Variants in IL1RAP observed in about 807,000 individuals in gnomAD.
The protein encoded by IL1RAP is interleukin 1 receptor accessory protein.
A neutral mutation model predicts 60.7 loss-of-function variants in IL1RAP; 35 were observed. That is an observed-to-expected ratio of 0.58 (90% confidence interval 0.44 to 0.76). The LOEUF is 0.76. Among genes scored for constraint, IL1RAP ranks in the 30% least tolerant of loss-of-function variants. IL1RAP has a pLI of 0.00. For synonymous variants in IL1RAP, 268 were observed against 250.9 expected (o/e 1.07, Z -0.64); for missense variants, 572 against 693.9 (o/e 0.82, Z 1.97).
chr3:190,549,700 C>T (rs1178804506), intron 1 of IL1RAP, among the ~76,000 whole-genome samples: 1 of 149,948 alleles, frequency 6.7e-6, no homozygotes, highest in Non-Finnish European at 1.5e-5. Context: ...TTCTGGGTTG[C>T]CTTCTCCCGA....
At chr3:190,632,536 T>G (rs988856820) in intron 9 of IL1RAP, among the ~76,000 whole-genome samples, 4 of 152,270 alleles carry the variant, frequency 2.6e-5, no homozygotes, top group Non-Finnish European at 5.9e-5. Context: ...TATGAATTGT[T>G]AATATTATCA....
chr3:190,635,725 G>C (rs566656928), intron 9 of IL1RAP, among the ~76,000 whole-genome samples: 1 of 152,218 alleles, frequency 6.6e-6, no homozygotes, highest in African/African-American at 2.4e-5. Context: ...GTTCACTCTT[G>C]ATAGTTATTT....
chr3:190,578,512 T>G (rs1727695851), intron 3 of IL1RAP, among the ~76,000 whole-genome samples: 1 of 152,252 alleles, frequency 6.6e-6, no homozygotes, highest in Non-Finnish European at 1.5e-5. Context: ...TAGATTTTCC[T>G]GCATTATAAC....
chr3:190,616,062 T>A (rs1057342988), intron 5 of IL1RAP, among the ~76,000 whole-genome samples: 1 of 152,182 alleles, frequency 6.6e-6, no homozygotes, highest in Admixed American at 6.5e-5. Context: ...TGTGTACATA[T>A]ATGCATATAC....
intron 3 of IL1RAP, among the ~76,000 whole-genome samples, chr3:190,587,236 G>C (rs1259153959): frequency 6.6e-6 from 1 of 152,186 alleles, no homozygotes; most frequent in African/African-American, 2.4e-5. Flanking sequence ...TGACAGATCT[G>C]CGTTAGAATC....
rs1733858195 is a variant in IL1RAP, at chr3:190,644,310, G to A, written c.1114G>A (p.Val372Met). ...TTTTGGAGCCACAGTCCTGCTAGTG[G>A]TGATTCTCATTGTTGTTTACCATGT... ...CGFGATVLLVVILIVVYHVYW... is the reference protein window; with the variant it reads ...CGFGATVLLVMILIVVYHVYW... Residue 372 changes from valine (V) to methionine (M), a missense_variant, in exon 10 of 12, where the codon GTG (valine) becomes ATG (methionine). Val to Met is a conservative substitution (Grantham distance 21). Transcript: ENST00000447382. 1 of 1,613,960 alleles carries A rather than the reference G, an allele frequency of 6.2e-7. No homozygotes were observed. The highest frequency in any genetic ancestry group is 8.5e-7 in the Non-Finnish European group (1 of 1,179,914).
chr3:190,570,353 C>A (rs534555273), intron 3 of IL1RAP, among the ~76,000 whole-genome samples: 1 of 152,272 alleles, frequency 6.6e-6, no homozygotes, highest in Non-Finnish European at 1.5e-5. Flanking sequence ...ATAAAATAAT[C>A]ACTTCCTCAG....
At chr3:190,572,489 AAG>A (rs1318302373) in intron 3 of IL1RAP, among the ~76,000 whole-genome samples, 5 of 151,964 alleles carry the variant, frequency 3.3e-5, no homozygotes, top group African/African-American at 1.2e-4. Context: ...TAGTAGGAAA[AAG>A]AGAGAGAGAG....
intron 1 of IL1RAP, among the ~76,000 whole-genome samples, chr3:190,514,707 C>G (rs1220207879): frequency 1.3e-5 from 2 of 152,200 alleles, no homozygotes; most frequent in South Asian, 2.1e-4. Flanking sequence ...CTCCCTCTTC[C>G]CCTGACCTGC....
At chr3:190,626,115 A>G (rs952596890) in intron 7 of IL1RAP, among the ~76,000 whole-genome samples, 2 of 152,224 alleles carry the variant, frequency 1.3e-5, no homozygotes, top group African/African-American at 4.8e-5. Context: ...GAAAGCAGGC[A>G]TAAAACAGAA....
At chr3:190,608,965 T>C (rs1730592713) in intron 4 of IL1RAP, 30 bp from the exon 5 acceptor site, 1 of 1,562,406 alleles carries the variant, frequency 6.4e-7, no homozygotes, top group Admixed American at 1.7e-5. Flanking sequence ...ATGCAAATAC[T>C]ACCCATTCAT....
At chr3:190,657,381 A>G (rs1446788873) in exon 12 of IL1RAP, 1 of 152,212 alleles carries the variant, frequency 6.6e-6, no homozygotes, top group Non-Finnish European at 1.5e-5. Flanking sequence ...AATAACCAAA[A>G]GAGAGGGAGA....
At position 190,620,005 on chromosome 3, in the gene IL1RAP, A is replaced by G. The variant is rs78019667; in HGVS notation, c.538-270A>G. 1.7e-3 allele frequency among the ~76,000 whole-genome samples: 261 copies of G among 152,352 alleles called. 5 individuals are homozygous for G. In the East Asian group the frequency reaches 0.046, roughly 27 times the overall value. ...GCTTTACTATCAACATAGGATGCCC[A>G]GAATTTGATCCTGAGACAGGAAGCC... is the stretch of plus-strand genomic sequence containing the variant. On this transcript the variant is annotated intron_variant, in intron 5 of 11. Transcript: ENST00000447382.
intron 1 of IL1RAP, among the ~76,000 whole-genome samples, chr3:190,539,944 T>A (rs7625151): frequency 0.05 from 7,659 of 151,936 alleles, 483 homozygotes; most frequent in African/African-American, 0.14. Context: ...CTATTTTTTT[T>A]AAAAAATATA....
intron 1 of IL1RAP, among the ~76,000 whole-genome samples, chr3:190,544,003 G>A (rs2108570468): frequency 6.6e-6 from 1 of 152,264 alleles, no homozygotes; most frequent in South Asian, 2.1e-4. Flanking sequence ...GGAGATTTCA[G>A]GCTGTTTTTT....
At chr3:190,535,261 A>G (rs1723355444) in intron 1 of IL1RAP, among the ~76,000 whole-genome samples, 1 of 151,240 alleles carries the variant, frequency 6.6e-6, no homozygotes, top group African/African-American at 2.4e-5. Flanking sequence ...TGTGCTTTCA[A>G]GTACACTGCC....
At chr3:190,535,321 T>C (rs938125482) in intron 1 of IL1RAP, among the ~76,000 whole-genome samples, 3 of 152,236 alleles carry the variant, frequency 2.0e-5, no homozygotes, top group African/African-American at 4.8e-5. Context: ...CATCAAGCTA[T>C]GTTTTGAAAG....
chr3:190,646,667 C>G (rs1734037483), intron 11 of IL1RAP, among the ~76,000 whole-genome samples: 1 of 152,154 alleles, frequency 6.6e-6, no homozygotes, highest in African/African-American at 2.4e-5. Flanking sequence ...TGTTGAAATG[C>G]TTGTAATATA....
chr3:190,604,204 C>G lies in IL1RAP; in HGVS notation c.141C>G (p.Cys47Trp). 1 of 1,614,020 alleles carries G rather than the reference C, an allele frequency of 6.2e-7. No individual in the cohort carries two copies. Among genetic ancestry groups the G allele is most frequent in the South Asian group, 1.1e-5 (1 of 91,074 alleles). ...VFEDEPARIK[C>W]PLFEHFLKFN... The stretch of plus-strand genomic sequence containing the variant: ...AAGATGAGCCAGCTCGCATCAAGTG[C>G]CCACTCTTTGAACACTTCTTGAAAT... Residue 47 changes from cysteine to tryptophan, a missense_variant, in exon 4 of 12, where the codon TGC (cysteine) becomes TGG (tryptophan). Coordinates refer to ENST00000447382, the MANE Select transcript of IL1RAP (RefSeq NM_002182.4).
Sources: gnomAD v4.1 joint callset for allele counts (sites outside exome capture counted in the v4.1 genomes callset) on GRCh38, gnomAD v4.1.1 for gene constraint, MANE v1.5 for transcripts, NCBI Gene and HGNC (gene_info 2026-07-23, HGNC 2026-07-21) for gene names.